OSMR: variants seen among roughly 807,000 people sequenced by gnomAD.
OSMR encodes oncostatin-M-specific receptor subunit beta.
Under a neutral mutation model 99.9 loss-of-function variants are expected in OSMR, and 81 were observed. That is an observed-to-expected ratio of 0.81 (90% CI 0.68 to 0.97). OSMR has a LOEUF of 0.97. OSMR is among the 50% of genes least tolerant of loss of function. OSMR has a pLI of 0.00. For synonymous variants in OSMR, 406 were observed against 410.4 expected, an observed-to-expected ratio of 0.99 and a Z score of 0.13; for missense variants, 1,099 against 1,153.4, an observed-to-expected ratio of 0.95 and a Z score of 0.68.
At chr5:38,876,939 T>G (rs1057454395) in intron 3 of OSMR, among the ~76,000 whole-genome samples, 4 of 152,220 alleles carry the variant, frequency 2.6e-5, no homozygotes, top group African/African-American at 9.6e-5. Flanking sequence ...AAGAAAATAC[T>G]GACTTTCACA....
intron 12 of OSMR, 86 bp from the exon 13 acceptor site, chr5:38,923,064 A>G (rs1746308035): frequency 6.4e-7 from 1 of 1,553,388 alleles, no homozygotes; most frequent in Non-Finnish European, 8.8e-7. Flanking sequence ...GCGTGAGCCA[A>G]CGTGTCATGC....
At chr5:38,849,643 A>G (rs902517453) in intron 1 of OSMR, among the ~76,000 whole-genome samples, 3 of 152,104 alleles carry the variant, frequency 2.0e-5, no homozygotes, top group Admixed American at 6.6e-5. Context: ...TTTAATTAAG[A>G]TTTTATTGAG....
intron 2 of OSMR, among the ~76,000 whole-genome samples, chr5:38,875,807 T>C (rs934070058): frequency 6.6e-6 from 1 of 152,230 alleles, no homozygotes; most frequent in Admixed American, 6.5e-5. Context: ...CTATAAAATA[T>C]TGACTTTCAA....
exon 3 of OSMR, chr5:38,945,108 C>T (rs200042169): frequency 7.6e-5 from 106 of 1,390,374 alleles, no homozygotes; most frequent in Admixed American, 3.1e-4. Flanking sequence ...AGCACCATAA[C>T]GGCTTAATTC....
At chr5:38,939,418 C>T (rs1191036314), downstream of OSMR, 3 of 231,912 alleles carry the variant, frequency 1.3e-5, no homozygotes, top group African/African-American at 4.4e-5. Flanking sequence ...TTCTACTAAT[C>T]GTTATTAGAA....
rs546432070 is a variant in OSMR, at chr5:38,862,787, C to T, written c.-13-6245C>T. On this transcript the variant is annotated intron_variant, in intron 1 of 17. Transcript: ENST00000274276. ...GGCGGCCGGGCAGAGGCTGCAATCTCGGCACTTTGGGAGGCCAAGGCAGGC... is the reference window on the plus strand; with the variant it reads ...GGCGGCCGGGCAGAGGCTGCAATCTTGGCACTTTGGGAGGCCAAGGCAGGC... Among the ~76,000 whole-genome samples the T allele has an allele frequency of 3.8e-3, 573 of 151,884 alleles. 1 individual carries two copies. The highest frequency in any genetic ancestry group is 0.013 in the African/African-American group (551 of 41,408).
At chr5:38,873,740 A>T (rs1049036539) in intron 2 of OSMR, among the ~76,000 whole-genome samples, 10 of 152,214 alleles carry the variant, frequency 6.6e-5, no homozygotes, top group Non-Finnish European at 1.3e-4. Flanking sequence ...GTGACTAATG[A>T]TATTGAACAT....
chr5:38,915,944 A>G (rs1048083941), intron 9 of OSMR, among the ~76,000 whole-genome samples: 9 of 152,148 alleles, frequency 5.9e-5, no homozygotes, highest in African/African-American at 2.2e-4. Context: ...GATGTGCTAT[A>G]ATTGGGTCAT....
rs1561402082 is a variant in OSMR at position 38,918,829 on chromosome 5, AT to A, written c.1363-4del. 1.5e-5 allele frequency: 24 copies of A among 1,613,520 alleles called. No individual in the cohort carries two copies. Among genetic ancestry groups the A allele is most frequent in the African/African-American group, 2.7e-5 (2 of 74,892 alleles). On this transcript the variant is annotated splice_polypyrimidine_tract_variant and intron_variant, in intron 10 of 17. Coordinates refer to ENST00000274276, the MANE Select transcript of OSMR (RefSeq NM_003999.3). The stretch of plus-strand genomic sequence containing the variant: ...AACCCATTTAAAAATGTTTATCAAT[AT>A]TTTTTTCAGCCATTATCAAAACTGC...
At chr5:38,907,567 A>G (rs1450219100) in intron 9 of OSMR, among the ~76,000 whole-genome samples, 1 of 152,170 alleles carries the variant, frequency 6.6e-6, no homozygotes, top group Non-Finnish European at 1.5e-5. Context: ...AATCTGAGTG[A>G]TCCCCTGTCT....
In OSMR at chr5:38,925,377, T is replaced by C; in HGVS notation, c.2212+6T>C. On this transcript the variant is annotated splice_donor_region_variant and intron_variant, in intron 15 of 17. Transcript: ENST00000274276. Reference sequence around the variant, plus strand: ...CACGACTCCGGATGAACACTGTGAGTTTTCCCAAATCAAAGTTCTTCCCTT... The same window carrying C: ...CACGACTCCGGATGAACACTGTGAGCTTTCCCAAATCAAAGTTCTTCCCTT... The C allele has an allele frequency of 3.1e-6, 5 of 1,612,042 alleles. No homozygotes were observed. Among genetic ancestry groups the C allele is most frequent in the Non-Finnish European group, 8.5e-7 (1 of 1,178,130 alleles).
At chr5:38,892,084 C>G (rs1234253923) in intron 7 of OSMR, among the ~76,000 whole-genome samples, 1 of 152,102 alleles carries the variant, frequency 6.6e-6, no homozygotes, top group African/African-American at 2.4e-5. Context: ...GGTGTGGCAC[C>G]CGTGCGTGCC....
rs1040645463 is a variant in OSMR at position 38,934,490 on chromosome 5, T to C, written c.*1046T>C. On this transcript the variant is annotated 3_prime_UTR_variant, in exon 18 of 18. Transcript: ENST00000274276. ...AGCAGCTTTGTCTCCTCTGAACCAA[T>C]ATATCCCAAACCAATATATGCAAAG... The C allele has an allele frequency of 6.6e-6, 1 of 152,196 alleles. No individual in the cohort carries two copies. Among genetic ancestry groups the C allele is most frequent in the Non-Finnish European group, 1.5e-5 (1 of 68,040 alleles). 9.4% of individuals were successfully genotyped at this position (152,196 alleles called of 1,614,324 possible). A position where few individuals can be genotyped will look rare whatever the true frequency, so the allele number is the denominator to read the frequency against.
At chr5:38,861,057 T>C (rs1561336681) in intron 1 of OSMR, among the ~76,000 whole-genome samples, 15 of 152,236 alleles carry the variant, frequency 9.9e-5, no homozygotes. Flanking sequence ...GTTATTGAAT[T>C]CTAGTTTTAT....
chr5:38,888,507 C>T (rs575763353), intron 7 of OSMR, among the ~76,000 whole-genome samples: 2 of 152,214 alleles, frequency 1.3e-5, no homozygotes, highest in Admixed American at 6.5e-5. Flanking sequence ...TTAAAAGAAA[C>T]AAAAACTTCC....
chr5:38,941,533 T>C (rs1747570900), intron 1 of OSMR: 1 of 231,262 alleles, frequency 4.3e-6, no homozygotes, highest in African/African-American at 2.2e-5. Context: ...ATGCATTCTA[T>C]AAATGGGAAA....
rs1361225493 is a variant in OSMR at position 38,904,398 on chromosome 5, C to G, written c.1180C>G (p.Leu394Val). 6.2e-7 allele frequency: 1 copy of G among 1,614,086 alleles called. No individual in the cohort carries two copies. Among genetic ancestry groups the G allele is most frequent in the African/African-American group, 1.3e-5 (1 of 75,014 alleles). Reference sequence around the variant, plus strand: ...GAACGGTGAGTACTTCTTAAGTGAACTGGAACCTGCCACAGAGTACATGGC... The same window carrying G: ...GAACGGTGAGTACTTCTTAAGTGAAGTGGAACCTGCCACAGAGTACATGGC... ...KVNGEYFLSE[L>V]EPATEYMARV... Residue 394 changes from leucine to valine, a missense_variant, in exon 9 of 18, where the codon CTG becomes GTG. Physicochemically the swap from Leu to Val is conservative, Grantham distance 32. Transcript: ENST00000274276.
At chr5:38,871,773 A>G (rs1219892768) in intron 2 of OSMR, among the ~76,000 whole-genome samples, 1 of 152,228 alleles carries the variant, frequency 6.6e-6, no homozygotes, top group Non-Finnish European at 1.5e-5. Flanking sequence ...TTTTTTTATT[A>G]CTTAAAACAA....
intron 9 of OSMR, among the ~76,000 whole-genome samples, chr5:38,910,515 C>G (rs1274574456): frequency 6.6e-6 from 1 of 152,166 alleles, no homozygotes; most frequent in Non-Finnish European, 1.5e-5. Context: ...CAAACACACT[C>G]TCAGGCAACA....
Sources: allele counts gnomAD v4.1 joint callset (sites outside exome capture counted in the v4.1 genomes callset), GRCh38; gene constraint gnomAD v4.1.1; transcripts MANE v1.5; gene names NCBI Gene and HGNC (gene_info 2026-07-23, HGNC 2026-07-21).